DLG2: variants seen among roughly 807,000 people sequenced by gnomAD.
The protein encoded by DLG2 is disks large homolog 2.
A neutral mutation model predicts 132.5 loss-of-function variants in DLG2; 45 were observed. That is an observed-to-expected ratio of 0.34 (90% confidence interval 0.27 to 0.44). DLG2 has a LOEUF of 0.44. Ranked by LOEUF, DLG2 falls within the 20% of genes least tolerant of loss-of-function variation. The pLI is 1.00. For missense variants in DLG2, 1,045 were observed against 1,196.9 expected (o/e 0.87, Z 1.87); for synonymous variants, 424 against 419.6 (o/e 1.01, Z -0.13).
At chr11:85,294,675 C>T (rs2079112043) in intron 3 of DLG2, among the ~76,000 whole-genome samples, 1 of 152,024 alleles carries the variant, frequency 6.6e-6, no homozygotes, top group Middle Eastern at 3.2e-3. Flanking sequence ...ACATATCTTC[C>T]AACAATACTG....
intron 21 of DLG2, among the ~76,000 whole-genome samples, chr11:83,486,444 C>T (rs780386791): frequency 6.6e-6 from 1 of 151,860 alleles, no homozygotes; most frequent in Non-Finnish European, 1.5e-5. Context: ...AGGGACAATG[C>T]AGAAGGCTTT....
At chr11:84,966,853 G>A (rs1414388040) in intron 6 of DLG2, among the ~76,000 whole-genome samples, 6 of 152,196 alleles carry the variant, frequency 3.9e-5, no homozygotes, top group East Asian at 1.9e-4. Context: ...AGTATGGGGC[G>A]TTGGATCATC....
At chr11:84,841,978 T>G (rs2080755173) in intron 6 of DLG2, among the ~76,000 whole-genome samples, 1 of 151,982 alleles carries the variant, frequency 6.6e-6, no homozygotes, top group African/African-American at 2.4e-5. Flanking sequence ...AATGATAAAC[T>G]CCCAAAATTG....
chr11:83,911,156 C>A (rs1353679179), intron 15 of DLG2, among the ~76,000 whole-genome samples: 1 of 151,588 alleles, frequency 6.6e-6, no homozygotes, highest in Non-Finnish European at 1.5e-5. Flanking sequence ...GTTATGAAAA[C>A]CAAAGAAAGA....
chr11:85,013,141 T>C (rs612389), intron 6 of DLG2, among the ~76,000 whole-genome samples: 28,797 of 152,194 alleles, frequency 0.19, 2,985 homozygotes, highest in East Asian at 0.3. Context: ...ACGTTTATCA[T>C]CCCTATTGAG....
chr11:83,500,460 G>A (rs566303242), intron 21 of DLG2, among the ~76,000 whole-genome samples: 4 of 152,158 alleles, frequency 2.6e-5, no homozygotes, highest in Non-Finnish European at 5.9e-5. Context: ...CAAAGATGAT[G>A]TTGTTGCACT....
chr11:84,482,006 T>C (rs1370215725), intron 7 of DLG2, among the ~76,000 whole-genome samples: 1 of 152,202 alleles, frequency 6.6e-6, no homozygotes, highest in Non-Finnish European at 1.5e-5. Flanking sequence ...TTCTATTACA[T>C]TGCATTAAAT....
chr11:84,888,127 G>C lies in DLG2; in HGVS notation c.357+223534C>G, dbSNP rs74511262. Among the ~76,000 whole-genome samples, 625 of 152,188 alleles carry C rather than the reference G, an allele frequency of 4.1e-3. 5 individuals are homozygous for C. Among genetic ancestry groups the C allele is most frequent in the African/African-American group, 0.015 (608 of 41,552 alleles). ...CAAACAGAAATTTCTCTTTGTGATA[G>C]TTTATTTTACATGTCAACTTGGCTG... On this transcript the variant is annotated intron_variant, in intron 6 of 27. Transcript: ENST00000376104.
chr11:84,952,921 C>T (rs1207946139), intron 6 of DLG2, among the ~76,000 whole-genome samples: 1 of 152,198 alleles, frequency 6.6e-6, no homozygotes, highest in Non-Finnish European at 1.5e-5. Context: ...GCTGAAACTT[C>T]TTAGCCTTTT....
Position 84,316,990 on chromosome 11 carries a change from G to A in DLG2, c.520-65699C>T, listed in dbSNP as rs1322212106. On this transcript the variant is annotated intron_variant, in intron 7 of 27. Transcript: ENST00000376104. ...AAGCTGGGCCCCCTGGTCCTGAGGA[G>A]GGCATGGTCTGAGAACTGTACCCGA... The A allele has an allele frequency of 3.1e-6, 5 of 1,612,792 alleles. No individual in the cohort carries two copies. In the South Asian group the frequency reaches 3.3e-5, roughly 11 times the overall value.
At chr11:85,102,461 G>T (rs944967826) in intron 6 of DLG2, among the ~76,000 whole-genome samples, 1 of 151,992 alleles carries the variant, frequency 6.6e-6, no homozygotes, top group African/African-American at 2.4e-5. Context: ...TGAGTAGGTA[G>T]ATTATGCTCT....
chr11:85,196,623 C>A (rs1441763642), intron 4 of DLG2, among the ~76,000 whole-genome samples: 3 of 152,154 alleles, frequency 2.0e-5, no homozygotes, highest in African/African-American at 7.2e-5. Flanking sequence ...ACAAGTTGGC[C>A]TTAGCACACT....
intron 4 of DLG2, among the ~76,000 whole-genome samples, chr11:85,190,275 G>C (rs1182326391): frequency 6.6e-6 from 1 of 152,102 alleles, no homozygotes; most frequent in African/African-American, 2.4e-5. Context: ...AACATTCTCA[G>C]GGTCAGAATA....
intron 7 of DLG2, among the ~76,000 whole-genome samples, chr11:84,472,773 A>C (rs1282259383): frequency 6.6e-6 from 1 of 151,960 alleles, no homozygotes; most frequent in Admixed American, 6.6e-5. Context: ...CATACCAGCA[A>C]CTGAAAATAT....
At chr11:84,953,202 T>C (rs913224792) in intron 6 of DLG2, among the ~76,000 whole-genome samples, 4 of 152,218 alleles carry the variant, frequency 2.6e-5, no homozygotes, top group Non-Finnish European at 5.9e-5. Context: ...TGGGGGTGTT[T>C]CCTATAGTTC....
At chr11:85,214,546 C>T (rs1487056193) in intron 4 of DLG2, among the ~76,000 whole-genome samples, 1 of 152,164 alleles carries the variant, frequency 6.6e-6, no homozygotes, top group African/African-American at 2.4e-5. Context: ...TGACACTACT[C>T]TCACACTTTT....
chr11:85,000,410 A>C (rs888189767), intron 6 of DLG2, among the ~76,000 whole-genome samples: 2 of 152,150 alleles, frequency 1.3e-5, no homozygotes, highest in Non-Finnish European at 2.9e-5. Flanking sequence ...TGGAGTTTTA[A>C]GGCCTTATTT....
At chr11:84,107,009 T>TGAGAGA (rs1342359588) in intron 9 of DLG2, among the ~76,000 whole-genome samples, 741 of 29,100 alleles carry the variant, frequency 0.025, 9 homozygotes, top group Middle Eastern at 0.067. Flanking sequence ...TGTGTGTGTG[T>TGAGAGA]GTGTGAGAGA....
chr11:83,944,204 C>T (rs1015159876), intron 14 of DLG2, among the ~76,000 whole-genome samples: 1 of 152,208 alleles, frequency 6.6e-6, no homozygotes, highest in African/African-American at 2.4e-5. Flanking sequence ...TGACAAAACA[C>T]ATTCTTAAGG....
Sources: allele counts gnomAD v4.1 joint callset (sites outside exome capture counted in the v4.1 genomes callset), GRCh38; gene constraint gnomAD v4.1.1; transcripts MANE v1.5; gene names NCBI Gene and HGNC (gene_info 2026-07-23, HGNC 2026-07-21).